The following CNBD1 variants were observed in gnomAD, a reference collection of about 807,000 sequenced individuals.
CNBD1 encodes cyclic nucleotide-binding domain-containing protein 1.
Under a neutral mutation model 54.4 loss-of-function variants are expected in CNBD1, and 71 were observed. The observed-to-expected ratio is 1.30, with a 90% CI of 1.08 to 1.59. CNBD1 has a LOEUF of 1.59. CNBD1 is among the 40% of genes most tolerant of loss of function. The pLI is 0.00. For synonymous variants in CNBD1, 182 were observed against 170.7 expected, an observed-to-expected ratio of 1.07 and a Z score of -0.51; for missense variants, 659 against 518.0, an observed-to-expected ratio of 1.27 and a Z score of -2.64.
At chr8:87,112,070 T>C (rs1811674627) in intron 4 of CNBD1, among the ~76,000 whole-genome samples, 1 of 152,196 alleles carries the variant, frequency 6.6e-6, no homozygotes, top group South Asian at 2.1e-4. Flanking sequence ...TCTGCAGAAC[T>C]GAGTCAGGTG....
rs548298461 is a variant in CNBD1 at position 87,382,332 on chromosome 8, CAT to C, written c.1304-286_1304-285del. ...ATCAATTTAAAATATCAGCAAGAAA[CAT>C]AATATTACTACAGAAAACATAATTT... On this transcript the variant is annotated intron_variant, in intron 10 of 10. Coordinates refer to ENST00000518476, the MANE Select transcript of CNBD1 (RefSeq NM_173538.3). 3.0e-3 allele frequency among the ~76,000 whole-genome samples: 456 copies of C among 151,842 alleles called. 5 individuals are homozygous for C. Among genetic ancestry groups the C allele is most frequent in the African/African-American group, 9.9e-3 (409 of 41,520 alleles).
intron 4 of CNBD1, among the ~76,000 whole-genome samples, chr8:87,046,081 C>T (rs994737743): frequency 2.0e-5 from 3 of 151,436 alleles, no homozygotes; most frequent in Non-Finnish European, 4.4e-5. Context: ...GCACAGGTGC[C>T]CCCCTACTTT....
intron 4 of CNBD1, among the ~76,000 whole-genome samples, chr8:87,178,874 A>G (rs892135756): frequency 5.9e-5 from 9 of 152,170 alleles, no homozygotes. Flanking sequence ...TTCTACAGAA[A>G]AGTAACTGAA....
chr8:87,272,989 A>G (rs929729055), intron 6 of CNBD1, among the ~76,000 whole-genome samples: 2 of 151,938 alleles, frequency 1.3e-5, no homozygotes, highest in Non-Finnish European at 1.5e-5. Flanking sequence ...ACATCCAAGT[A>G]TGGAGGGGCA....
intron 2 of CNBD1, among the ~76,000 whole-genome samples, chr8:87,404,463 C>T (rs1807620655): frequency 6.6e-6 from 1 of 152,066 alleles, no homozygotes; most frequent in African/African-American, 2.4e-5. Flanking sequence ...TGAACTTTCC[C>T]TCCACTTTTC....
At chr8:87,406,910 CTT>C (rs1456603993) in intron 2 of CNBD1, among the ~76,000 whole-genome samples, 4 of 152,042 alleles carry the variant, frequency 2.6e-5, no homozygotes, top group African/African-American at 9.7e-5. Flanking sequence ...TTTGAATAAT[CTT>C]TTTATTTCAA....
At chr8:87,359,410 G>T (rs1810486094) in intron 10 of CNBD1, among the ~76,000 whole-genome samples, 1 of 151,886 alleles carries the variant, frequency 6.6e-6, no homozygotes. Flanking sequence ...ACTAGATTTT[G>T]CTTGTTTTTT....
At chr8:87,137,164 TTA>T (rs1202142290) in intron 4 of CNBD1, among the ~76,000 whole-genome samples, 1 of 141,842 alleles carries the variant, frequency 7.1e-6, no homozygotes, top group Non-Finnish European at 1.5e-5. Context: ...TCTATATAAA[TTA>T]TATATATTAT....
intron 8 of CNBD1, among the ~76,000 whole-genome samples, chr8:87,340,469 C>T (rs9642971): frequency 0.57 from 85,976 of 152,016 alleles, 25,873 homozygotes; most frequent in African/African-American, 0.77. Context: ...GTTTTCAGCC[C>T]TTATGTCTTT....
chr8:86,873,829 C>T (rs1033614419), intron 1 of CNBD1, among the ~76,000 whole-genome samples: 3 of 152,010 alleles, frequency 2.0e-5, no homozygotes, highest in African/African-American at 7.3e-5. Context: ...CATAATCTTA[C>T]AGATGTTGGA....
Position 87,284,802 on chromosome 8 carries a change from C to G in CNBD1, c.896C>G (p.Ala299Gly), listed in dbSNP as rs113649580. Reference sequence around the variant, plus strand: ...CTTAAAATCCCAGCAAAGGGATATGCAAAGATAAAGGAGGTAAGATGATAT... The same window carrying G: ...CTTAAAATCCCAGCAAAGGGATATGGAAAGATAAAGGAGGTAAGATGATAT... ...EILKIPAKGY[A>G]KIKEEKIKLE... The change falls in exon 7 of 11, where the codon GCA (alanine) becomes GGA (glycine). Residue 299 changes from alanine (A) to glycine (G), a missense_variant. Physicochemically the swap from Ala to Gly is moderately conservative, Grantham distance 60. Transcript: ENST00000518476. 2.3e-5 allele frequency: 36 copies of G among 1,580,986 alleles called. No homozygotes were observed. The highest frequency in any genetic ancestry group is 2.2e-4 in the African/African-American group (16 of 73,886).
intron 4 of CNBD1, among the ~76,000 whole-genome samples, chr8:87,026,945 G>A (rs1284064581): frequency 6.6e-5 from 10 of 151,952 alleles, no homozygotes; most frequent in Non-Finnish European, 1.2e-4. Context: ...CATAACACCC[G>A]GACAAAAATG....
At chr8:87,327,319 T>A (rs1264854381) in intron 8 of CNBD1, among the ~76,000 whole-genome samples, 1 of 150,062 alleles carries the variant, frequency 6.7e-6, no homozygotes, top group African/African-American at 2.5e-5. Context: ...CCTTGAGCTG[T>A]GGTGGGCTCC....
intron 5 of CNBD1, among the ~76,000 whole-genome samples, chr8:87,228,627 A>G (rs952559928): frequency 4.6e-5 from 7 of 151,276 alleles, no homozygotes; most frequent in Admixed American, 4.6e-4. Flanking sequence ...TGCTGGGAGA[A>G]CCACTGCTCT....
chr8:86,946,216 C>G (rs1348571573), intron 4 of CNBD1, among the ~76,000 whole-genome samples: 1 of 152,054 alleles, frequency 6.6e-6, no homozygotes, highest in Non-Finnish European at 1.5e-5. Flanking sequence ...TAATGTGTTT[C>G]ATTTTTAATA....
At chr8:87,147,455 T>G (rs1812513558) in intron 4 of CNBD1, among the ~76,000 whole-genome samples, 1 of 152,060 alleles carries the variant, frequency 6.6e-6, no homozygotes, top group Non-Finnish European at 1.5e-5. Context: ...TGTAGCAAAT[T>G]TTGTTAATGT....
intron 4 of CNBD1, among the ~76,000 whole-genome samples, chr8:87,018,812 T>G (rs1282912389): frequency 1.3e-5 from 2 of 152,098 alleles, no homozygotes; most frequent in African/African-American, 2.4e-5. Context: ...CACGTAAGAT[T>G]GTAAGGGCCA....
At chr8:87,378,618 G>T (rs1388545561) in intron 10 of CNBD1, among the ~76,000 whole-genome samples, 1 of 148,608 alleles carries the variant, frequency 6.7e-6, no homozygotes, top group African/African-American at 2.5e-5. Flanking sequence ...TTTGGCTTAG[G>T]ATTGACTTGG....
At chr8:87,285,503 C>T (rs1177709738) in intron 7 of CNBD1, among the ~76,000 whole-genome samples, 3 of 151,962 alleles carry the variant, frequency 2.0e-5, no homozygotes, top group African/African-American at 4.8e-5. Context: ...TTTGGGAGGC[C>T]GAGGAGGGTG....
Sources: gnomAD v4.1 joint callset for allele counts (sites outside exome capture counted in the v4.1 genomes callset) on GRCh38, gnomAD v4.1.1 for gene constraint, MANE v1.5 for transcripts, NCBI Gene and HGNC (gene_info 2026-07-23, HGNC 2026-07-21) for gene names.